KAT6B: variants seen among roughly 807,000 people sequenced by gnomAD.
KAT6B encodes histone acetyltransferase KAT6B.
A neutral mutation model predicts 187.5 loss-of-function variants in KAT6B; 10 were observed. The ratio of observed to expected loss-of-function variants is 0.05; its 90% CI spans 0.03 to 0.09. KAT6B has a LOEUF of 0.09. Ranked by LOEUF, KAT6B falls within the 10% of genes least tolerant of loss-of-function variation. KAT6B has a pLI of 1.00. For missense variants in KAT6B, 1,952 were observed against 2,558.9 expected (o/e 0.76, Z 5.12); for synonymous variants, 861 against 926.8 (o/e 0.93, Z 1.29).
chr10:75,021,115 T>C lies in KAT6B; in HGVS notation c.2862-11T>C, dbSNP rs760728315. On this transcript the variant is annotated splice_polypyrimidine_tract_variant and intron_variant, in intron 14 of 17. Transcript: ENST00000287239. ...TGTGATTACATCTTGTTCTGCCTTA[T>C]CACATTACAGATTTGTCATCATTAG... is the stretch of plus-strand genomic sequence containing the variant. 2 of 1,613,378 alleles carry C rather than the reference T, an allele frequency of 1.2e-6. No homozygotes were observed. The highest frequency in any genetic ancestry group is 1.7e-6 in the Non-Finnish European group (2 of 1,179,292).
chr10:74,921,465 G>C (rs1848129293), intron 3 of KAT6B, among the ~76,000 whole-genome samples: 1 of 152,128 alleles, frequency 6.6e-6, no homozygotes, highest in Admixed American at 6.5e-5. Flanking sequence ...TCCTGAGTGT[G>C]AACTGTCCCT....
In KAT6B at chr10:75,022,114, A is replaced by G. The variant is rs933289359; in HGVS notation, c.3255A>G (p.Glu1085=). ...ACGAGGAGGAGGAAGAAGAGGAGGA[A>G]GAAGAGGAAGAGGATGAAGAGGAGG... ...EEDEEEEEEE[E]EEEEDEEEEE... Residue 1085 remains glutamate, a synonymous_variant, in exon 16 of 18, where the codon GAA becomes GAG. Transcript: ENST00000287239. 9.1e-5 allele frequency: 146 copies of G among 1,601,542 alleles called. 1 individual carries two copies. The Middle Eastern group carries it at 1.8e-3, about 20-fold the overall frequency.
chr10:74,966,901 G>A (rs916894695), intron 4 of KAT6B, among the ~76,000 whole-genome samples: 4 of 152,126 alleles, frequency 2.6e-5, no homozygotes, highest in South Asian at 2.1e-4. Context: ...TTGGTGATGC[G>A]TGCCTGTAGT....
At chr10:74,901,570 C>G (rs770926716) in intron 3 of KAT6B, among the ~76,000 whole-genome samples, 1 of 152,174 alleles carries the variant, frequency 6.6e-6, no homozygotes, top group Non-Finnish European at 1.5e-5. Flanking sequence ...GTTGACCTGA[C>G]AGCATTATAC....
At chr10:74,826,813 G>C (rs1840268330) in intron 1 of KAT6B, 28 bp downstream of exon 1, 1 of 151,836 alleles carries the variant, frequency 6.6e-6, no homozygotes, top group Non-Finnish European at 1.5e-5. Flanking sequence ...CGCGTTCCCA[G>C]GGGGAGGAGA....
At chr10:74,920,559 T>C (rs1050450289) in intron 3 of KAT6B, among the ~76,000 whole-genome samples, 3 of 151,840 alleles carry the variant, frequency 2.0e-5, no homozygotes, top group Non-Finnish European at 2.9e-5. Flanking sequence ...CAGCTGAGTA[T>C]TTTTAGTTTG....
chr10:75,005,640 G>T (rs1301696137), intron 13 of KAT6B, among the ~76,000 whole-genome samples: 1 of 152,062 alleles, frequency 6.6e-6, no homozygotes, highest in Non-Finnish European at 1.5e-5. Context: ...AAAACAAAAG[G>T]TTTTCCTTAA....
chr10:74,933,016 A>G (rs957701139), intron 3 of KAT6B, among the ~76,000 whole-genome samples: 1 of 152,184 alleles, frequency 6.6e-6, no homozygotes, highest in Non-Finnish European at 1.5e-5. Context: ...CTGCATACAC[A>G]CCATTTTTTC....
chr10:74,906,786 C>T (rs1846790667), intron 3 of KAT6B, among the ~76,000 whole-genome samples: 1 of 152,174 alleles, frequency 6.6e-6, no homozygotes, highest in Non-Finnish European at 1.5e-5. Flanking sequence ...AACACCCAGA[C>T]CCCTTTCCGG....
At chr10:74,945,677 T>C (rs908552463) in intron 3 of KAT6B, among the ~76,000 whole-genome samples, 1 of 152,164 alleles carries the variant, frequency 6.6e-6, no homozygotes, top group Admixed American at 6.5e-5. Context: ...CTCCAACTCC[T>C]GAGCTCAAGT....
chr10:75,021,119 AT>A lies in KAT6B; in HGVS notation c.2862-5del, dbSNP rs1845376027. The stretch of plus-strand genomic sequence containing the variant: ...ATTACATCTTGTTCTGCCTTATCAC[AT>A]TACAGATTTGTCATCATTAGACGGG... On this transcript the variant is annotated splice_polypyrimidine_tract_variant and splice_region_variant and intron_variant, in intron 14 of 17. Coordinates refer to ENST00000287239, the MANE Select transcript of KAT6B (RefSeq NM_012330.4). 2 of 1,613,664 alleles carry A rather than the reference AT, an allele frequency of 1.2e-6. No individual in the cohort carries two copies. The highest frequency in any genetic ancestry group is 1.7e-6 in the Non-Finnish European group (2 of 1,179,570).
Position 74,864,132 on chromosome 10 carries a change from G to A in KAT6B, c.621+20654G>A, listed in dbSNP as rs576532333. Among the ~76,000 whole-genome samples the A allele has an allele frequency of 1.8e-4, 28 of 152,198 alleles. No homozygotes were observed. In the South Asian group the frequency reaches 5.4e-3, roughly 29 times the overall value. On this transcript the variant is annotated intron_variant, in intron 3 of 17. Coordinates refer to ENST00000287239, the MANE Select transcript of KAT6B (RefSeq NM_012330.4). ...CAGCCAGGCTGGAGTGCAGTGGCGCGATCTCAGCCCACTGCAACCTCCACC... is the reference window on the plus strand; with the variant it reads ...CAGCCAGGCTGGAGTGCAGTGGCGCAATCTCAGCCCACTGCAACCTCCACC...
intron 8 of KAT6B, chr10:74,976,963 G>T (rs1419109231): frequency 6.9e-6 from 2 of 288,260 alleles, no homozygotes; most frequent in Non-Finnish European, 1.3e-5. Flanking sequence ...GGACAAAGTG[G>T]TAGAATTTAT....
chr10:74,928,078 G>A (rs531097781), intron 3 of KAT6B, among the ~76,000 whole-genome samples: 14 of 152,208 alleles, frequency 9.2e-5, no homozygotes, highest in African/African-American at 3.4e-4. Flanking sequence ...GCAAAACTCA[G>A]GGAAAAGTAA....
At chr10:74,929,808 G>A (rs1327218658) in intron 3 of KAT6B, among the ~76,000 whole-genome samples, 1 of 152,102 alleles carries the variant, frequency 6.6e-6, no homozygotes, top group East Asian at 1.9e-4. Context: ...GTAGGTGATA[G>A]CCACCATTCT....
chr10:74,950,515 C>G (rs779341147), intron 3 of KAT6B, among the ~76,000 whole-genome samples: 6 of 152,164 alleles, frequency 3.9e-5, no homozygotes, highest in Non-Finnish European at 8.8e-5. Context: ...TTTCCGAAGA[C>G]CATATCTGAA....
At position 75,032,257 on chromosome 10, in the gene KAT6B, A is replaced by G. The variant is rs1846364628; in HGVS notation, c.*1211A>G. 1 of 192,546 alleles carries G rather than the reference A, an allele frequency of 5.2e-6. No individual in the cohort carries two copies. Among genetic ancestry groups the G allele is most frequent in the Non-Finnish European group, 1.1e-5 (1 of 91,980 alleles). 11.9% of individuals were successfully genotyped at this position (192,546 alleles called of 1,614,324 possible). A position where few individuals can be genotyped will look rare whatever the true frequency, so the allele number is the denominator to read the frequency against. ...AAAAACAAACAAAAAAAAGCTGTAC[A>G]TTTTAACATAAAATAAATTATGATG... On this transcript the variant is annotated 3_prime_UTR_variant, in exon 18 of 18. Transcript: ENST00000287239.
intron 3 of KAT6B, among the ~76,000 whole-genome samples, chr10:74,846,400 G>A (rs1842103258): frequency 6.6e-6 from 1 of 151,864 alleles, no homozygotes; most frequent in Admixed American, 6.6e-5. Context: ...AGGGACCTCT[G>A]TTTTTAATTA....
chr10:74,993,814 T>A (rs1373687604), intron 13 of KAT6B, among the ~76,000 whole-genome samples: 1 of 152,244 alleles, frequency 6.6e-6, no homozygotes, highest in Non-Finnish European at 1.5e-5. Flanking sequence ...TGTTTCCTCA[T>A]GATTAGATTT....
Sources: allele counts gnomAD v4.1 joint callset (sites outside exome capture counted in the v4.1 genomes callset), GRCh38; gene constraint gnomAD v4.1.1; transcripts MANE v1.5; gene names NCBI Gene and HGNC (gene_info 2026-07-23, HGNC 2026-07-21).